FASTKD1: variants seen among roughly 807,000 people sequenced by gnomAD.
FASTKD1 encodes the protein FAST kinase domain-containing protein 1, mitochondrial.
FASTKD1 carries 94 observed loss-of-function variants against 90.9 expected under a neutral mutation model. The observed-to-expected ratio is 1.03, with a 90% confidence interval of 0.88 to 1.23. The LOEUF (loss-of-function observed/expected upper bound fraction) is 1.23, where lower values mean the gene tolerates loss of function less well. FASTKD1 is among the 50% of genes most tolerant of loss of function. The probability of loss-of-function intolerance (pLI) is 0.00; values close to 1 mark genes in which losing one functional copy is unlikely to be tolerated. For missense variants in FASTKD1, 945 were observed against 993.5 expected, an observed-to-expected ratio of 0.95 and a Z score of 0.66; for synonymous variants, 319 against 345.8, an observed-to-expected ratio of 0.92 and a Z score of 0.86.
rs779510022 is a variant in FASTKD1 at position 169,544,857 on chromosome 2, T to A, written c.1702-22A>T. On this transcript the variant is annotated intron_variant, in intron 8 of 14. Transcript: ENST00000453153. ...GGATCTGTATAAAAAGAACAAAAAA[T>A]TTATAGTTTAAACTTTAGGAAAATA... 3.6e-6 allele frequency: 5 copies of A among 1,390,512 alleles called. No individual in the cohort carries two copies. In the South Asian group the frequency reaches 3.8e-5, roughly 11 times the overall value. The allele number at this position is 1,390,512 out of a possible 1,614,324, so 86.1% of individuals were successfully genotyped here.
At chr2:169,532,092 C>A (rs1460287514) in intron 12 of FASTKD1, among the ~76,000 whole-genome samples, 1 of 152,096 alleles carries the variant, frequency 6.6e-6, no homozygotes, top group Non-Finnish European at 1.5e-5. Flanking sequence ...AATCAGCTGA[C>A]AACATACGAA....
chr2:169,546,131 T>C (rs1458335398), intron 8 of FASTKD1, 87 bp downstream of exon 8: 10 of 1,366,722 alleles, frequency 7.3e-6, no homozygotes, highest in African/African-American at 7.3e-5. Flanking sequence ...CAAATTCCAA[T>C]CCAAGTTCTC....
In FASTKD1 at chr2:169,560,197, C is replaced by T. The variant is rs575447839; in HGVS notation, c.971+190G>A. 20 of 372,262 alleles carry T rather than the reference C, an allele frequency of 5.4e-5. No individual in the cohort carries two copies. The East Asian group carries it at 8.8e-4, about 16-fold the overall frequency. 23.1% of individuals were successfully genotyped at this position (372,262 alleles called of 1,614,324 possible). ...AGGTTTACCTTTCAGAACACAGCAA[C>T]AGACTAAGAGTTTGAGATGTAAATT... is the stretch of plus-strand genomic sequence containing the variant. On this transcript the variant is annotated intron_variant, in intron 5 of 14. Transcript: ENST00000453153.
At chr2:169,531,569 T>G in intron 12 of FASTKD1, 79 bp from the exon 13 acceptor site, 1 of 1,107,634 alleles carries the variant, frequency 9.0e-7, no homozygotes, top group Non-Finnish European at 1.3e-6. Context: ...TTGAAATATA[T>G]ATGCATATAA....
At chr2:169,550,670 A>C (rs973252275) in intron 7 of FASTKD1, among the ~76,000 whole-genome samples, 1 of 152,100 alleles carries the variant, frequency 6.6e-6, no homozygotes, top group African/African-American at 2.4e-5. Context: ...GTAGAGACAG[A>C]GGCTTGCTAT....
chr2:169,546,232 G>C lies in FASTKD1; in HGVS notation c.1687C>G (p.Gln563Glu). The part of the protein sequence containing the change: ...LLDRIASVAV[Q>E]QIEKIHPFTI... ...TTAAATTTCACCTTTTCAATCTGCT[G>C]AACAGCCACTGAGGCTATCCTATCT... is the stretch of plus-strand genomic sequence containing the variant. Residue 563 changes from glutamine to glutamate, a missense_variant, in exon 8 of 15, where the codon CAG becomes GAG. By Grantham distance (29) the Gln-to-Glu change is conservative. Coordinates refer to ENST00000453153, the MANE Select transcript of FASTKD1 (RefSeq NM_024622.6). 6.4e-7 allele frequency: 1 copy of C among 1,568,692 alleles called. No homozygotes were observed. The highest frequency in any genetic ancestry group is 8.6e-7 in the Non-Finnish European group (1 of 1,157,258).
chr2:169,560,167 A>T (rs1446690532), intron 5 of FASTKD1: 11 of 301,612 alleles, frequency 3.6e-5, no homozygotes, highest in Non-Finnish European at 6.1e-5. Context: ...TTGGCCCAGT[A>T]TCAGAGGTTT....
rs184032509 is a variant in FASTKD1 at position 169,573,747 on chromosome 2, C to T, written c.-221G>A. ...TGAAAGCTCAGAAGTCAGGGTTATT[C>T]CTGGTCCCAACACGGAACGAAACAG... On this transcript the variant is annotated 5_prime_UTR_variant, in exon 1 of 15. Coordinates refer to ENST00000453153, the MANE Select transcript of FASTKD1 (RefSeq NM_024622.6). 1.5e-4 allele frequency: 23 copies of T among 152,350 alleles called. No individual in the cohort carries two copies. Among genetic ancestry groups the T allele is most frequent in the African/African-American group, 5.3e-4 (22 of 41,568 alleles). The allele number at this position is 152,350 out of a possible 1,614,324, so 9.4% of individuals were successfully genotyped here.
rs1238816758 is a variant in FASTKD1 at position 169,529,489 on chromosome 2, G to A, written c.*336C>T. ...TTCTTTCTTACACATTTGCCTCATC[G>A]TAGTCTTTTCTTATCTCAACAAGGT... On this transcript the variant is annotated 3_prime_UTR_variant, in exon 15 of 15. Coordinates refer to ENST00000453153, the MANE Select transcript of FASTKD1 (RefSeq NM_024622.6). 2.0e-5 allele frequency among the ~76,000 whole-genome samples: 3 copies of A among 152,070 alleles called. No individual in the cohort carries two copies. The highest frequency in any genetic ancestry group is 1.3e-4 in the Admixed American group (2 of 15,260).
chr2:169,563,123 T>C (rs1683782221), intron 4 of FASTKD1, 102 bp downstream of exon 4: 2 of 1,142,740 alleles, frequency 1.8e-6, no homozygotes, highest in Admixed American at 2.5e-5. Flanking sequence ...AGAGCTTAAG[T>C]AACCTTAAGT....
In FASTKD1 at chr2:169,546,299, T is replaced by G; in HGVS notation, c.1620A>C (p.Ala540=). 1 of 1,613,910 alleles carries G rather than the reference T, an allele frequency of 6.2e-7. No individual in the cohort carries two copies. The highest frequency in any genetic ancestry group is 8.5e-7 in the Non-Finnish European group (1 of 1,179,896). The change falls in exon 8 of 15, where the codon GCA becomes GCC. Residue 540 remains alanine (A), a synonymous_variant. Transcript: ENST00000453153. ...DINYINVGEI[A]SFISSTDYLS... ...GGTAATCAGTACTAGAAATAAAAGA[T>G]GCAATCTCCCCAACATTTATGTAAT... is the stretch of plus-strand genomic sequence containing the variant.
At chr2:169,561,234 G>T (rs113653052) in intron 4 of FASTKD1, among the ~76,000 whole-genome samples, 10 of 151,332 alleles carry the variant, frequency 6.6e-5, no homozygotes, top group African/African-American at 2.4e-4. Flanking sequence ...GGAGGCAGAG[G>T]TTGCATCATT....
intron 1 of FASTKD1, among the ~76,000 whole-genome samples, chr2:169,572,733 C>T (rs1391619779): frequency 2.0e-5 from 3 of 151,336 alleles, no homozygotes; most frequent in Admixed American, 6.6e-5. Context: ...AACCAATGAA[C>T]GACACAATTA....
chr2:169,533,365 T>G (rs1342293095), intron 12 of FASTKD1, among the ~76,000 whole-genome samples: 1 of 152,154 alleles, frequency 6.6e-6, no homozygotes, highest in Non-Finnish European at 1.5e-5. Flanking sequence ...ATCTTTAAAT[T>G]AATTATGAAA....
intron 10 of FASTKD1, 42 bp from the exon 11 acceptor site, chr2:169,538,183 C>G (rs1230388441): frequency 6.5e-7 from 1 of 1,539,406 alleles, no homozygotes; most frequent in Middle Eastern, 1.8e-4. Flanking sequence ...TAGCTGAGAC[C>G]TAGGAAAGAC....
Position 169,571,714 on chromosome 2 carries a change from T to C in FASTKD1, c.316A>G (p.Thr106Ala). ...TCATTCATTAATTTGAATTTATTTG[T>C]AGCTAAATTATGAAGAGTAAGAAAT... is the stretch of plus-strand genomic sequence containing the variant. Reference protein sequence around the residue: ...PQFLTLHNLATNKFKLMNDDT... With the variant: ...PQFLTLHNLAANKFKLMNDDT... The change falls in exon 2 of 15, where the codon ACA (threonine) becomes GCA (alanine). Residue 106 changes from threonine to alanine, a missense_variant. Transcript: ENST00000453153. 1 of 1,612,182 alleles carries C rather than the reference T, an allele frequency of 6.2e-7. No individual in the cohort carries two copies. The highest frequency in any genetic ancestry group is 2.2e-5 in the East Asian group (1 of 44,854).
intron 9 of FASTKD1, among the ~76,000 whole-genome samples, 200 bp downstream of exon 9, chr2:169,544,521 A>C (rs776842356): frequency 6.6e-6 from 1 of 152,192 alleles, no homozygotes; most frequent in Non-Finnish European, 1.5e-5. Flanking sequence ...CAATGAGCCA[A>C]GATCGCACCA....
chr2:169,557,113 C>T, intron 6 of FASTKD1, 74 bp downstream of exon 6: 2 of 941,704 alleles, frequency 2.1e-6, no homozygotes, highest in Non-Finnish European at 1.7e-6. Flanking sequence ...AAGAAGAAAA[C>T]CATTTTTCCT....
intron 12 of FASTKD1, 176 bp downstream of exon 12, chr2:169,537,051 C>G (rs572229018): frequency 2.4e-6 from 1 of 417,024 alleles, no homozygotes; most frequent in Non-Finnish European, 4.3e-6. Context: ...CAACACTGGG[C>G]CACGGGAACT....
Sources: allele counts gnomAD v4.1 joint callset (sites outside exome capture counted in the v4.1 genomes callset), GRCh38; gene constraint gnomAD v4.1.1; transcripts MANE v1.5; gene names NCBI Gene and HGNC (gene_info 2026-07-23, HGNC 2026-07-21).